SDK2: variants seen among roughly 807,000 people sequenced by gnomAD.
SDK2 encodes protein sidekick-2.
Under a neutral mutation model 253.9 loss-of-function variants are expected in SDK2, and 105 were observed. The observed-to-expected ratio is 0.41, with a 90% CI of 0.35 to 0.49. SDK2 has a LOEUF of 0.49. SDK2 is among the 20% of genes least tolerant of loss of function. The pLI, the probability that SDK2 is intolerant of heterozygous loss-of-function variation, is 0.06. For missense variants in SDK2, 2,608 were observed against 3,003.0 expected (o/e 0.87, Z 3.07); for synonymous variants, 1,249 against 1,234.9 (o/e 1.01, Z -0.24).
intron 1 of SDK2, among the ~76,000 whole-genome samples, chr17:73,569,561 T>C (rs903840756): frequency 3.4e-5 from 5 of 148,952 alleles, no homozygotes; most frequent in Non-Finnish European, 5.9e-5. Context: ...TGGTGAGGGA[T>C]GGGGGTGGGG....
chr17:73,377,232 T>A (rs1260666138), intron 36 of SDK2, among the ~76,000 whole-genome samples: 1 of 151,376 alleles, frequency 6.6e-6, no homozygotes, highest in South Asian at 2.1e-4. Flanking sequence ...CTTTTTTTTT[T>A]TTTGGAGACA....
chr17:73,366,737 C>T (rs2062688290), intron 37 of SDK2, among the ~76,000 whole-genome samples: 2 of 152,138 alleles, frequency 1.3e-5, no homozygotes, highest in South Asian at 4.1e-4. Flanking sequence ...GCTGCCTGCC[C>T]TGCCTGTCCA....
chr17:73,527,145 C>G (rs1022415578), intron 1 of SDK2, among the ~76,000 whole-genome samples: 12 of 152,148 alleles, frequency 7.9e-5, no homozygotes, highest in African/African-American at 2.9e-4. Context: ...GCGGGGCAGT[C>G]AGGGGAGCTC....
At chr17:73,602,917 G>T (rs1383018266) in intron 1 of SDK2, among the ~76,000 whole-genome samples, 4 of 152,112 alleles carry the variant, frequency 2.6e-5, no homozygotes, top group Non-Finnish European at 4.4e-5. Flanking sequence ...TAAAGACAGG[G>T]TTTTACCATA....
intron 36 of SDK2, among the ~76,000 whole-genome samples, chr17:73,370,539 G>C (rs932709041): frequency 6.7e-6 from 1 of 150,136 alleles, no homozygotes; most frequent in Non-Finnish European, 1.5e-5. Flanking sequence ...CACTGTGCCC[G>C]GCCCTCTCTC....
chr17:73,533,142 C>G lies in SDK2; in HGVS notation c.65-25545G>C, dbSNP rs148090682. Among the ~76,000 whole-genome samples the G allele has an allele frequency of 4.6e-5, 7 of 152,308 alleles. No individual in the cohort carries two copies. The East Asian group carries it at 1.4e-3, about 29-fold the overall frequency. On this transcript the variant is annotated intron_variant, in intron 1 of 44. Transcript: ENST00000392650. ...GGACGCAGGCAGTGCAGCGCTCCAT[C>G]AAGCAAGGCCCAGAGAGGTCCCCTC...
At chr17:73,344,465 T>C (rs770433672) in intron 44 of SDK2, among the ~76,000 whole-genome samples, 8 of 152,212 alleles carry the variant, frequency 5.3e-5, no homozygotes, top group Non-Finnish European at 8.8e-5. Flanking sequence ...CCAAGCAAGC[T>C]GGCTCTAGAT....
At chr17:73,398,943 C>A (rs1568382510) in intron 22 of SDK2, among the ~76,000 whole-genome samples, 1 of 152,192 alleles carries the variant, frequency 6.6e-6, no homozygotes, top group Non-Finnish European at 1.5e-5. Flanking sequence ...TAGGCACCCC[C>A]CGACCCAGGA....
Position 73,623,622 on chromosome 17 carries a change from A to T in SDK2, c.64+20403T>A, listed in dbSNP as rs543793374. On this transcript the variant is annotated intron_variant, in intron 1 of 44. Transcript: ENST00000392650. ...AGCAGGGATAGGGTGGGGAGAGCAC[A>T]GATTGTCTTCTCTCTGGTTGCCTAG... Among the ~76,000 whole-genome samples the T allele has an allele frequency of 3.9e-5, 6 of 152,254 alleles. 1 individual carries two copies. In the East Asian group the frequency reaches 1.2e-3, roughly 29 times the overall value.
chr17:73,603,174 C>T (rs1487030602), intron 1 of SDK2, among the ~76,000 whole-genome samples: 2 of 152,190 alleles, frequency 1.3e-5, no homozygotes, highest in Non-Finnish European at 2.9e-5. Context: ...CCTGCTGAGA[C>T]CACCTTGTGC....
At chr17:73,380,682 C>G (rs1280591401) in intron 34 of SDK2, among the ~76,000 whole-genome samples, 1 of 152,248 alleles carries the variant, frequency 6.6e-6, no homozygotes, top group African/African-American at 2.4e-5. Context: ...CCACACCCAA[C>G]AGAGGGCAGG....
chr17:73,424,336 G>T (rs1330369453), intron 12 of SDK2, among the ~76,000 whole-genome samples: 1 of 152,152 alleles, frequency 6.6e-6, no homozygotes, highest in Non-Finnish European at 1.5e-5. Flanking sequence ...AGTCATTATT[G>T]GTCGTTACAC....
In SDK2 at chr17:73,408,172, C is replaced by T. The variant is rs555770403; in HGVS notation, c.2485-6031G>A. 4.0e-5 allele frequency among the ~76,000 whole-genome samples: 6 copies of T among 151,104 alleles called. No homozygotes were observed. The East Asian group carries it at 5.9e-4, about 15-fold the overall frequency. ...ATTCAAGCAATTCTTCTGCCTCAGC[C>T]TCCCGAGTAGCTGAGATTAGAGGCA... On this transcript the variant is annotated intron_variant, in intron 18 of 44. Transcript: ENST00000392650.
chr17:73,365,813 C>A (rs749607038), intron 37 of SDK2, among the ~76,000 whole-genome samples: 1 of 152,066 alleles, frequency 6.6e-6, no homozygotes, highest in Non-Finnish European at 1.5e-5. Flanking sequence ...TCAGAATATT[C>A]GGTAGGCGCT....
chr17:73,509,365 C>T (rs1380300542), intron 1 of SDK2, among the ~76,000 whole-genome samples: 1 of 152,156 alleles, frequency 6.6e-6, no homozygotes, highest in East Asian at 1.9e-4. Context: ...TACGGTGTCC[C>T]CTCCAGGGAA....
At chr17:73,498,745 G>T (rs960032999) in intron 2 of SDK2, among the ~76,000 whole-genome samples, 1 of 152,232 alleles carries the variant, frequency 6.6e-6, no homozygotes, top group African/African-American at 2.4e-5. Flanking sequence ...GGCCTGGCAT[G>T]AGGTAGGTGA....
chr17:73,426,365 C>G (rs2085549448), intron 12 of SDK2, among the ~76,000 whole-genome samples: 1 of 151,966 alleles, frequency 6.6e-6, no homozygotes, highest in Non-Finnish European at 1.5e-5. Context: ...CCACGCCTGA[C>G]CAGTCATCCT....
At chr17:73,367,814 T>C (rs1039078294) in intron 37 of SDK2, among the ~76,000 whole-genome samples, 1 of 152,204 alleles carries the variant, frequency 6.6e-6, no homozygotes, top group Non-Finnish European at 1.5e-5. Flanking sequence ...CCTGCCGGCC[T>C]CTTCTCATTC....
rs1408981401 is a variant in SDK2, at chr17:73,334,590, T to C, written c.*3997A>G. ...ACTCTCCCCATAATTTTTTGTTATA[T>C]CTTTTAAATCAAAAAATAAAGATTT... On this transcript the variant is annotated 3_prime_UTR_variant, in exon 45 of 45. Coordinates refer to ENST00000392650, the MANE Select transcript of SDK2 (RefSeq NM_001144952.2). The C allele has an allele frequency of 1.3e-5, 2 of 152,218 alleles. No individual in the cohort carries two copies. The highest frequency in any genetic ancestry group is 4.8e-5 in the African/African-American group (2 of 41,452). The allele number at this position is 152,218 out of a possible 1,614,324, so 9.4% of individuals were successfully genotyped here.
Sources: gnomAD v4.1 joint callset for allele counts (sites outside exome capture counted in the v4.1 genomes callset) on GRCh38, gnomAD v4.1.1 for gene constraint, MANE v1.5 for transcripts, NCBI Gene and HGNC (gene_info 2026-07-23, HGNC 2026-07-21) for gene names.